GPR158: variants seen among roughly 807,000 people sequenced by gnomAD.
GPR158 encodes the protein metabotropic glycine receptor.
GPR158 carries 30 observed loss-of-function variants against 78.2 expected under a neutral mutation model. The observed-to-expected ratio is 0.38, with a 90% CI of 0.29 to 0.52. The LOEUF is 0.52. GPR158 is among the 20% of genes least tolerant of loss of function. The pLI, the probability that GPR158 is intolerant of heterozygous loss-of-function variation, is 0.83. For synonymous variants in GPR158, 581 were observed against 591.1 expected (o/e 0.98, Z 0.25); for missense variants, 1,463 against 1,523.5 (o/e 0.96, Z 0.66).
At chr10:25,460,439 C>T (rs777458426) in intron 4 of GPR158, among the ~76,000 whole-genome samples, 1 of 152,178 alleles carries the variant, frequency 6.6e-6, no homozygotes, top group Non-Finnish European at 1.5e-5. Context: ...AATTGATCCG[C>T]CCACCTCGGC....
chr10:25,228,604 G>T (rs1351167521), intron 2 of GPR158, among the ~76,000 whole-genome samples: 5 of 152,178 alleles, frequency 3.3e-5, no homozygotes, highest in African/African-American at 4.8e-5. Flanking sequence ...AGTGATGATT[G>T]TAAGAAAGGC....
At position 25,228,104 on chromosome 10, in the gene GPR158, C is replaced by T. The variant is rs116330865; in HGVS notation, c.1008+6947C>T. On this transcript the variant is annotated intron_variant, in intron 2 of 10. Coordinates refer to ENST00000376351, the MANE Select transcript of GPR158 (RefSeq NM_020752.3). The stretch of plus-strand genomic sequence containing the variant: ...CCTGGGGAACATAGCGAGACCCTGT[C>T]GCTACAAAAAATTTTAAAAAATTAG... Among the ~76,000 whole-genome samples the T allele has an allele frequency of 5.0e-3, 765 of 152,130 alleles. 7 individuals are homozygous for T. The highest frequency in any genetic ancestry group is 0.018 in the African/African-American group (730 of 41,514).
At chr10:25,258,293 G>A (rs148491309) in intron 2 of GPR158, among the ~76,000 whole-genome samples, 55 of 152,294 alleles carry the variant, frequency 3.6e-4, no homozygotes, top group African/African-American at 1.3e-3. Flanking sequence ...TACACTGAAT[G>A]TAGAACTTAA....
chr10:25,461,122 C>G (rs372971624), intron 4 of GPR158, among the ~76,000 whole-genome samples: 1 of 152,074 alleles, frequency 6.6e-6, no homozygotes, highest in East Asian at 1.9e-4. Flanking sequence ...GAAATTAGGC[C>G]AATTAATAAT....
intron 5 of GPR158, among the ~76,000 whole-genome samples, chr10:25,470,964 T>TA (rs397756660): frequency 1.3e-5 from 2 of 152,068 alleles, no homozygotes; most frequent in African/African-American, 4.8e-5. Context: ...TTCTTTTTTT[T>TA]AATTATTATT....
chr10:25,537,694 C>T (rs765800815), intron 5 of GPR158, among the ~76,000 whole-genome samples: 3 of 152,038 alleles, frequency 2.0e-5, no homozygotes, highest in Non-Finnish European at 4.4e-5. Flanking sequence ...GAATTGTAAT[C>T]CCCAGTGTTG....
rs571882109 is a variant in GPR158, at chr10:25,383,585, G to C, written c.1009-12326G>C. 2.6e-5 allele frequency among the ~76,000 whole-genome samples: 4 copies of C among 152,302 alleles called. No individual in the cohort carries two copies. The South Asian group carries it at 8.3e-4, about 32-fold the overall frequency. On this transcript the variant is annotated intron_variant, in intron 2 of 10. Coordinates refer to ENST00000376351, the MANE Select transcript of GPR158 (RefSeq NM_020752.3). ...GATTTGAGTTGAGGAACTCTGCATCGGGAAGGGAGAGATTCATTTGTAAAA... is the reference window on the plus strand; with the variant it reads ...GATTTGAGTTGAGGAACTCTGCATCCGGAAGGGAGAGATTCATTTGTAAAA...
intron 2 of GPR158, among the ~76,000 whole-genome samples, chr10:25,299,024 A>G (rs1854554639): frequency 6.6e-6 from 1 of 152,240 alleles, no homozygotes; most frequent in South Asian, 2.1e-4. Context: ...AAGATTGAAC[A>G]TTTAGCATAA....
intron 2 of GPR158, among the ~76,000 whole-genome samples, chr10:25,225,282 A>G (rs1244911818): frequency 6.6e-6 from 1 of 150,712 alleles, no homozygotes; most frequent in African/African-American, 2.5e-5. Flanking sequence ...ATGGGGGAAG[A>G]TTTTCTGGGT....
chr10:25,590,272 C>T (rs1410622769), intron 8 of GPR158, among the ~76,000 whole-genome samples: 1 of 152,120 alleles, frequency 6.6e-6, no homozygotes, highest in East Asian at 1.9e-4. Context: ...TCTGAGAACC[C>T]TGGAGACTCC....
intron 5 of GPR158, among the ~76,000 whole-genome samples, chr10:25,508,556 C>T (rs72786296): frequency 3.9e-5 from 6 of 152,170 alleles, no homozygotes; most frequent in Non-Finnish European, 7.4e-5. Flanking sequence ...TGTATGCTGG[C>T]GGACGCTAGC....
At chr10:25,245,582 A>G (rs1312014706) in intron 2 of GPR158, among the ~76,000 whole-genome samples, 4 of 152,150 alleles carry the variant, frequency 2.6e-5, no homozygotes, top group Non-Finnish European at 5.9e-5. Context: ...TTGTGACATC[A>G]TTGACAATCT....
At chr10:25,494,730 G>A (rs1835855786) in intron 5 of GPR158, among the ~76,000 whole-genome samples, 1 of 152,040 alleles carries the variant, frequency 6.6e-6, no homozygotes, top group South Asian at 2.1e-4. Context: ...TTCTTTGGAT[G>A]TGACTATCTG....
At chr10:25,306,903 A>G (rs936047049) in intron 2 of GPR158, among the ~76,000 whole-genome samples, 1 of 152,108 alleles carries the variant, frequency 6.6e-6, no homozygotes, top group African/African-American at 2.4e-5. Context: ...GTTTTCCATT[A>G]TACAGCAAAA....
rs552258336 is a variant in GPR158, at chr10:25,262,977, A to AT, written c.1008+41826dup. Among the ~76,000 whole-genome samples, 631 of 152,096 alleles carry AT rather than the reference A, an allele frequency of 4.1e-3. 2 individuals are homozygous for AT. Among genetic ancestry groups the AT allele is most frequent in the Non-Finnish European group, 7.3e-3 (495 of 67,976 alleles). ...CCTTTAGTAGGTATGTATTGCAAAT[A>AT]TTTTTTCCCAGTGTGTGGCTTCTCT... On this transcript the variant is annotated intron_variant, in intron 2 of 10. Transcript: ENST00000376351.
In GPR158 at chr10:25,551,210, T is replaced by C. The variant is rs1375769620; in HGVS notation, c.1514+125T>C. ...CAAGAATTTACATAGCAAGATACTA[T>C]ATATTTTTCACTTTCAAGGTGTGAC... On this transcript the variant is annotated intron_variant, in intron 6 of 10. Transcript: ENST00000376351. The C allele has an allele frequency of 5.3e-5, 34 of 638,904 alleles. No individual in the cohort carries two copies. The East Asian group carries it at 6.1e-4, about 11-fold the overall frequency. The allele number at this position is 638,904 out of a possible 1,614,324, so 39.6% of individuals were successfully genotyped here. A position where few individuals can be genotyped will look rare whatever the true frequency, so the allele number is the denominator to read the frequency against.
At chr10:25,373,494 T>C (rs75799479) in intron 2 of GPR158, among the ~76,000 whole-genome samples, 5,085 of 152,074 alleles carry the variant, frequency 0.033, 256 homozygotes, top group African/African-American at 0.11. Context: ...CTTTTTCTTA[T>C]TTATGTATCT....
At chr10:25,389,874 A>G (rs887996222) in intron 2 of GPR158, among the ~76,000 whole-genome samples, 1 of 152,126 alleles carries the variant, frequency 6.6e-6, no homozygotes, top group Non-Finnish European at 1.5e-5. Flanking sequence ...ATTCCCACCC[A>G]AGTCTCATCT....
chr10:25,266,495 G>C (rs987568884), intron 2 of GPR158, among the ~76,000 whole-genome samples: 5 of 152,172 alleles, frequency 3.3e-5, no homozygotes, highest in African/African-American at 7.2e-5. Context: ...CTTTCTAATG[G>C]GATTCGGTTC....
Sources: gnomAD v4.1 joint callset for allele counts (sites outside exome capture counted in the v4.1 genomes callset) on GRCh38, gnomAD v4.1.1 for gene constraint, MANE v1.5 for transcripts, NCBI Gene and HGNC (gene_info 2026-07-23, HGNC 2026-07-21) for gene names.